RASSF8: variants seen among roughly 807,000 people sequenced by gnomAD.
The protein encoded by RASSF8 is Ras association domain family member 8.
RASSF8 carries 22 observed loss-of-function variants against 48.5 expected under a neutral mutation model. The observed-to-expected ratio is 0.45, with a 90% CI of 0.32 to 0.65. The LOEUF (loss-of-function observed/expected upper bound fraction) is 0.65, where lower values mean the gene tolerates loss of function less well. RASSF8 is among the 30% of genes least tolerant of loss of function. The pLI, the probability that RASSF8 is intolerant of heterozygous loss-of-function variation, is 0.03. For missense variants in RASSF8, 418 were observed against 489.2 expected (o/e 0.85, Z 1.37); for synonymous variants, 127 against 171.5 (o/e 0.74, Z 2.03).
At chr12:26,017,256 T>C (rs1488728104) in intron 2 of RASSF8, among the ~76,000 whole-genome samples, 2 of 152,182 alleles carry the variant, frequency 1.3e-5, no homozygotes, top group African/African-American at 4.8e-5. Context: ...TTTGCTGGAA[T>C]TGGATATCAA....
intron 3 of RASSF8, among the ~76,000 whole-genome samples, chr12:26,062,645 A>G (rs551643048): frequency 2.0e-5 from 3 of 152,326 alleles, no homozygotes; most frequent in East Asian, 1.9e-4. Flanking sequence ...TCTAGTTTAC[A>G]TAGTTGGAAG....
chr12:26,049,015 C>T (rs1367195062), intron 2 of RASSF8, among the ~76,000 whole-genome samples: 1 of 152,184 alleles, frequency 6.6e-6, no homozygotes, highest in Non-Finnish European at 1.5e-5. Flanking sequence ...ACCTTGGCCT[C>T]CCAAAGTGCT....
chr12:26,008,069 C>T (rs911608164), intron 2 of RASSF8, among the ~76,000 whole-genome samples: 2 of 152,038 alleles, frequency 1.3e-5, no homozygotes, highest in African/African-American at 2.4e-5. Flanking sequence ...GTCAGGAGAC[C>T]GAGACCATCC....
chr12:26,024,391 A>G (rs1481617635), intron 2 of RASSF8, among the ~76,000 whole-genome samples: 2 of 152,226 alleles, frequency 1.3e-5, no homozygotes, highest in African/African-American at 4.8e-5. Flanking sequence ...ATTCTGCCAA[A>G]CATTTTAGCA....
At chr12:25,976,716 T>C (rs1459478756) in intron 1 of RASSF8, among the ~76,000 whole-genome samples, 2 of 152,188 alleles carry the variant, frequency 1.3e-5, no homozygotes, top group East Asian at 3.9e-4. Context: ...CTTTATTCTT[T>C]CTTTGCTTTG....
At chr12:25,992,642 G>A (rs1942040836) in intron 1 of RASSF8, among the ~76,000 whole-genome samples, 3 of 152,166 alleles carry the variant, frequency 2.0e-5, no homozygotes, top group Non-Finnish European at 2.9e-5. Context: ...AGGAGAGGCA[G>A]GGAAACTGAA....
chr12:25,990,142 G>C (rs1198698891), intron 1 of RASSF8, among the ~76,000 whole-genome samples: 8 of 152,006 alleles, frequency 5.3e-5, no homozygotes, highest in Admixed American at 5.2e-4. Context: ...CCTCAACTTT[G>C]TATAACCTGT....
rs764671781 is a variant in RASSF8 at position 26,065,295 on chromosome 12, G to A, written c.901G>A (p.Glu301Lys). 54 of 1,614,020 alleles carry A rather than the reference G, an allele frequency of 3.3e-5. No individual in the cohort carries two copies. The highest frequency in any genetic ancestry group is 4.2e-5 in the Non-Finnish European group (50 of 1,179,984). ...VKGKIGKVKG[E>K]IDIQGQQSLR... is the part of the protein sequence containing the mutation. ...AGGAAAGATCGGTAAGGTCAAAGGG[G>A]AGATTGACATTCAAGGCCAGCAGAG... The change falls in exon 4 of 6, where the codon GAG becomes AAG. Residue 301 changes from glutamate (E) to lysine (K), a missense_variant. Coordinates refer to ENST00000689635, the MANE Select transcript of RASSF8 (RefSeq NM_001394098.1).
intron 2 of RASSF8, among the ~76,000 whole-genome samples, chr12:26,023,231 G>T (rs937340408): frequency 3.9e-5 from 6 of 151,948 alleles, no homozygotes; most frequent in Non-Finnish European, 7.4e-5. Context: ...GAAGAAAAAG[G>T]AATAAAAAAA....
At chr12:26,040,910 C>G (rs1416823847) in intron 2 of RASSF8, among the ~76,000 whole-genome samples, 1 of 145,080 alleles carries the variant, frequency 6.9e-6, no homozygotes, top group Non-Finnish European at 1.5e-5. Flanking sequence ...TTTTTTGAGA[C>G]AGAGTCTTGC....
chr12:26,069,145 A>G lies in RASSF8; in HGVS notation c.*327A>G, dbSNP rs1457513484. 1.0e-6 allele frequency: 1 copy of G among 992,968 alleles called. No homozygotes were observed. The highest frequency in any genetic ancestry group is 1.7e-5 in the African/African-American group (1 of 57,504). The allele number at this position is 992,968 out of a possible 1,614,324, so 61.5% of individuals were successfully genotyped here. A position where few individuals can be genotyped will look rare whatever the true frequency, so the allele number is the denominator to read the frequency against. ...TAAGCCGTGACTTAAGTAAGAGTGAAGAGAAATTTGTGACTGGCTTAGTTT... is the reference window on the plus strand; with the variant it reads ...TAAGCCGTGACTTAAGTAAGAGTGAGGAGAAATTTGTGACTGGCTTAGTTT... On this transcript the variant is annotated 3_prime_UTR_variant, in exon 6 of 6. Coordinates refer to ENST00000689635, the MANE Select transcript of RASSF8 (RefSeq NM_001394098.1).
chr12:25,977,769 G>T (rs955614458), intron 1 of RASSF8, among the ~76,000 whole-genome samples: 1 of 152,110 alleles, frequency 6.6e-6, no homozygotes. Flanking sequence ...GAACAACACG[G>T]TTGTAAGGCA....
chr12:25,999,949 T>C (rs577809971), intron 2 of RASSF8, among the ~76,000 whole-genome samples: 3 of 152,354 alleles, frequency 2.0e-5, no homozygotes, highest in Admixed American at 6.5e-5. Context: ...AGGAGACTTA[T>C]GTTTCTGGAT....
intron 1 of RASSF8, among the ~76,000 whole-genome samples, chr12:25,972,358 T>C (rs918237333): frequency 5.9e-5 from 9 of 152,018 alleles, no homozygotes; most frequent in Non-Finnish European, 1.2e-4. Flanking sequence ...AAATATTATA[T>C]AAGCTATAAT....
chr12:26,011,132 G>A (rs1026953282), intron 2 of RASSF8, among the ~76,000 whole-genome samples: 18 of 152,296 alleles, frequency 1.2e-4, no homozygotes, highest in African/African-American at 3.6e-4. Context: ...TTACAGGAAC[G>A]TCTACAGCAT....
Position 26,070,494 on chromosome 12 carries a change from C to G in RASSF8, c.*1676C>G. ...GGGTTCTTGGAGTTATCAAATTGATCTTGCCATTATGTTACTTTGCAAATA... is the reference window on the plus strand; with the variant it reads ...GGGTTCTTGGAGTTATCAAATTGATGTTGCCATTATGTTACTTTGCAAATA... On this transcript the variant is annotated 3_prime_UTR_variant, in exon 6 of 6. Transcript: ENST00000689635. 2 of 984,748 alleles carry G rather than the reference C, an allele frequency of 2.0e-6. No homozygotes were observed. The highest frequency in any genetic ancestry group is 2.4e-6 in the Non-Finnish European group (2 of 829,310). 61.0% of individuals were successfully genotyped at this position (984,748 alleles called of 1,614,324 possible).
intron 2 of RASSF8, among the ~76,000 whole-genome samples, chr12:25,998,346 A>G (rs1942178252): frequency 6.8e-6 from 1 of 147,656 alleles, no homozygotes; most frequent in African/African-American, 2.6e-5. Context: ...TCTGAAGACA[A>G]AGCTTTTTTT....
chr12:25,988,187 G>A (rs1285637674), intron 1 of RASSF8, among the ~76,000 whole-genome samples: 1 of 152,050 alleles, frequency 6.6e-6, no homozygotes, highest in African/African-American at 2.4e-5. Context: ...TTTAAAAAAT[G>A]AATTCCTTCC....
At chr12:26,005,875 C>T (rs1942378939) in intron 2 of RASSF8, among the ~76,000 whole-genome samples, 1 of 152,204 alleles carries the variant, frequency 6.6e-6, no homozygotes, top group Non-Finnish European at 1.5e-5. Context: ...AATTTCAATA[C>T]TTGTGACAGT....
Sources: allele counts gnomAD v4.1 joint callset (sites outside exome capture counted in the v4.1 genomes callset), GRCh38; gene constraint gnomAD v4.1.1; transcripts MANE v1.5; gene names NCBI Gene and HGNC (gene_info 2026-07-23, HGNC 2026-07-21).